SORCS2: variants seen among roughly 807,000 people sequenced by gnomAD.
SORCS2 encodes VPS10 domain-containing receptor SorCS2.
In SORCS2, 100 loss-of-function variants were observed where a neutral mutation model predicts 141.6. The observed-to-expected ratio is 0.71, with a 90% confidence interval of 0.60 to 0.83. The LOEUF is 0.83. Among genes scored for constraint, SORCS2 ranks in the 40% least tolerant of loss-of-function variants. The pLI, the probability that SORCS2 is intolerant of heterozygous loss-of-function variation, is 0.00. For missense variants in SORCS2, 1,646 were observed against 1,560.2 expected, an observed-to-expected ratio of 1.05 and a Z score of -0.93; for synonymous variants, 789 against 676.9, an observed-to-expected ratio of 1.17 and a Z score of -2.57.
At chr4:7,256,274 C>T (rs1447283328) in intron 1 of SORCS2, among the ~76,000 whole-genome samples, 6 of 152,122 alleles carry the variant, frequency 3.9e-5, no homozygotes, top group East Asian at 1.9e-4. Flanking sequence ...AGGGCCGCCA[C>T]GAGGGACCAG....
At chr4:7,704,684 A>G (rs1208564287) in intron 14 of SORCS2, among the ~76,000 whole-genome samples, 1 of 152,164 alleles carries the variant, frequency 6.6e-6, no homozygotes, top group African/African-American at 2.4e-5. Flanking sequence ...TTGGGCCAAA[A>G]AAGGCACCAT....
chr4:7,344,959 G>A (rs1259932051), intron 1 of SORCS2, among the ~76,000 whole-genome samples: 1 of 151,998 alleles, frequency 6.6e-6, no homozygotes, highest in Non-Finnish European at 1.5e-5. Context: ...TCATTCTCCA[G>A]GCCCCTCCAG....
chr4:7,471,547 A>G (rs1417710314), intron 2 of SORCS2, among the ~76,000 whole-genome samples: 1 of 152,230 alleles, frequency 6.6e-6, no homozygotes, highest in East Asian at 1.9e-4. Flanking sequence ...GAAGATCAGC[A>G]GTGGCCCTCC....
intron 1 of SORCS2, among the ~76,000 whole-genome samples, chr4:7,220,703 G>A (rs770879706): frequency 3.9e-5 from 6 of 152,132 alleles, no homozygotes; most frequent in Non-Finnish European, 7.4e-5. Flanking sequence ...TCCCATTTCC[G>A]GCCCCATTTT....
chr4:7,718,480 G>A (rs1337135996), intron 18 of SORCS2, among the ~76,000 whole-genome samples: 2 of 152,240 alleles, frequency 1.3e-5, no homozygotes, highest in Non-Finnish European at 2.9e-5. Flanking sequence ...GGGGGAGGGT[G>A]TAGTTACTGG....
chr4:7,283,382 C>T (rs1285232419), intron 1 of SORCS2, among the ~76,000 whole-genome samples: 3 of 152,192 alleles, frequency 2.0e-5, no homozygotes, highest in Non-Finnish European at 4.4e-5. Flanking sequence ...TGGGTGTTGG[C>T]TGGAAGCAAG....
chr4:7,531,447 G>C lies in SORCS2; in HGVS notation c.549-83G>C, dbSNP rs1381087773. ...GGGGCACTCGGCCCGCACGGGCACAGGGCAGGGGCTGGACACCGTGTGGGC... is the reference window on the plus strand; with the variant it reads ...GGGGCACTCGGCCCGCACGGGCACACGGCAGGGGCTGGACACCGTGTGGGC... On this transcript the variant is annotated intron_variant, in intron 2 of 26. Coordinates refer to ENST00000507866, the MANE Select transcript of SORCS2 (RefSeq NM_020777.3). The C allele has an allele frequency of 2.2e-6, 3 of 1,346,094 alleles. No homozygotes were observed. The African/African-American group carries it at 4.3e-5, about 19-fold the overall frequency. The allele number at this position is 1,346,094 out of a possible 1,614,324, so 83.4% of individuals were successfully genotyped here.
chr4:7,234,238 G>A (rs1271151060), intron 1 of SORCS2, among the ~76,000 whole-genome samples: 2 of 152,232 alleles, frequency 1.3e-5, no homozygotes, highest in Non-Finnish European at 2.9e-5. Context: ...GAGCTGCCTG[G>A]GGCCGAGAAT....
intron 23 of SORCS2, among the ~76,000 whole-genome samples, chr4:7,730,972 G>A (rs926376514): frequency 7.2e-5 from 11 of 152,340 alleles, no homozygotes; most frequent in Admixed American, 3.9e-4. Flanking sequence ...GGCGTGGCCC[G>A]TGCAGGGGAA....
intron 1 of SORCS2, among the ~76,000 whole-genome samples, chr4:7,296,010 G>A (rs969275657): frequency 3.9e-5 from 6 of 152,300 alleles, no homozygotes; most frequent in East Asian, 1.9e-4. Flanking sequence ...TGGGAGCTGC[G>A]TCATGGCTGC....
chr4:7,459,997 A>T (rs548586824), intron 2 of SORCS2: 1 of 154,820 alleles, frequency 6.5e-6, no homozygotes, highest in African/African-American at 2.4e-5. Flanking sequence ...TGCAGAGCCC[A>T]GTGGCCCTGA....
intron 2 of SORCS2, among the ~76,000 whole-genome samples, chr4:7,408,867 T>C (rs1042586426): frequency 1.3e-5 from 2 of 152,204 alleles, no homozygotes; most frequent in Admixed American, 6.5e-5. Flanking sequence ...TTCTTTCCTC[T>C]GCTTGACCCA....
At chr4:7,245,093 G>A (rs1359991370) in intron 1 of SORCS2, among the ~76,000 whole-genome samples, 3 of 152,124 alleles carry the variant, frequency 2.0e-5, no homozygotes, top group African/African-American at 7.2e-5. Context: ...CAAACCAATG[G>A]GGTGTGGACA....
rs528069388 is a variant in SORCS2, at chr4:7,670,314, A to AT, written c.1161+3109dup. Among the ~76,000 whole-genome samples the AT allele has an allele frequency of 2.3e-3, 347 of 152,170 alleles. 3 individuals are homozygous for AT. The highest frequency in any genetic ancestry group is 7.4e-3 in the African/African-American group (307 of 41,520). ...ATCTTTTGCTTATTTACTTGTCATC[A>AT]TTTTTTTTAAATATTCATTTTCCCT... On this transcript the variant is annotated intron_variant, in intron 8 of 26. Coordinates refer to ENST00000507866, the MANE Select transcript of SORCS2 (RefSeq NM_020777.3).
chr4:7,696,355 A>G (rs181612968), intron 11 of SORCS2, among the ~76,000 whole-genome samples: 2 of 152,284 alleles, frequency 1.3e-5, no homozygotes, highest in East Asian at 3.9e-4. Flanking sequence ...CTCATCAGAA[A>G]TCCTTTGTTC....
intron 2 of SORCS2, among the ~76,000 whole-genome samples, chr4:7,458,947 C>T (rs1171987736): frequency 1.3e-5 from 2 of 152,132 alleles, no homozygotes; most frequent in African/African-American, 2.4e-5. Context: ...TCTCTGCTGG[C>T]TGCGGGGACT....
intron 2 of SORCS2, chr4:7,433,502 C>A: frequency 5.0e-6 from 8 of 1,601,794 alleles, no homozygotes; most frequent in Non-Finnish European, 6.0e-6. Flanking sequence ...CACACAGCCA[C>A]GGGGTCCATC....
At chr4:7,535,667 G>A (rs535502316) in intron 3 of SORCS2, among the ~76,000 whole-genome samples, 5 of 152,332 alleles carry the variant, frequency 3.3e-5, no homozygotes, top group Middle Eastern at 3.4e-3. Flanking sequence ...AAACACTGAC[G>A]CCCTCCTGGC....
At chr4:7,570,265 C>A (rs1577768698) in intron 3 of SORCS2, among the ~76,000 whole-genome samples, 1 of 152,202 alleles carries the variant, frequency 6.6e-6, no homozygotes, top group East Asian at 1.9e-4. Context: ...CGGTGGAGCC[C>A]AGGCACAGGC....
Sources: allele counts gnomAD v4.1 joint callset (sites outside exome capture counted in the v4.1 genomes callset), GRCh38; gene constraint gnomAD v4.1.1; transcripts MANE v1.5; gene names NCBI Gene and HGNC (gene_info 2026-07-23, HGNC 2026-07-21).